CLIC4: variants seen among roughly 807,000 people sequenced by gnomAD.
CLIC4 encodes chloride intracellular channel protein 4.
A neutral mutation model predicts 24.6 loss-of-function variants in CLIC4; 13 were observed. That is an observed-to-expected ratio of 0.53 (90% CI 0.34 to 0.84). The LOEUF (loss-of-function observed/expected upper bound fraction) is 0.84, where lower values mean the gene tolerates loss of function less well. Ranked by LOEUF, CLIC4 falls within the 40% of genes least tolerant of loss-of-function variation. CLIC4 has a pLI of 0.01. For missense variants in CLIC4, 227 were observed against 301.7 expected, an observed-to-expected ratio of 0.75 and a Z score of 1.83; for synonymous variants, 104 against 111.3, an observed-to-expected ratio of 0.93 and a Z score of 0.41.
Position 24,841,649 on chromosome 1 carries a change from T to G in CLIC4, c.*712T>G, listed in dbSNP as rs1639944800. The G allele has an allele frequency of 6.6e-6, 1 of 152,286 alleles. No individual in the cohort carries two copies. The highest frequency in any genetic ancestry group is 2.4e-5 in the African/African-American group (1 of 41,446). 9.4% of individuals were successfully genotyped at this position (152,286 alleles called of 1,614,324 possible). A position where few individuals can be genotyped will look rare whatever the true frequency, so the allele number is the denominator to read the frequency against. The stretch of plus-strand genomic sequence containing the variant: ...GGGAGTGAGGGTTTTCTCAAGACCT[T>G]CCTCAAGCATTTTATCTTTAGAAGA... On this transcript the variant is annotated 3_prime_UTR_variant, in exon 6 of 6. Coordinates refer to ENST00000374379, the MANE Select transcript of CLIC4 (RefSeq NM_013943.3).
chr1:24,799,715 C>T (rs1224669697), intron 2 of CLIC4, among the ~76,000 whole-genome samples: 3 of 136,924 alleles, frequency 2.2e-5, no homozygotes, highest in African/African-American at 5.5e-5. Context: ...GTCAGCCCCC[C>T]GCCCGGCCAG....
Position 24,840,004 on chromosome 1 carries a change from C to T in CLIC4, c.560C>T (p.Ala187Val), listed in dbSNP as rs1298433513. 1.2e-6 allele frequency: 2 copies of T among 1,614,142 alleles called. No individual in the cohort carries two copies. The highest frequency in any genetic ancestry group is 2.2e-5 in the South Asian group (2 of 91,080). ...CTGGATGGCAATGAAATGACATTAGCTGATTGCAACCTGCTGCCCAAACTG... is the reference window on the plus strand; with the variant it reads ...CTGGATGGCAATGAAATGACATTAGTTGATTGCAACCTGCTGCCCAAACTG... ...KFLDGNEMTL[A>V]DCNLLPKLHI... The change falls in exon 5 of 6, where the codon GCT becomes GTT. Residue 187 changes from alanine (A) to valine (V), a missense_variant. Transcript: ENST00000374379.
chr1:24,799,648 G>T (rs1427405901), intron 2 of CLIC4, among the ~76,000 whole-genome samples: 5 of 129,966 alleles, frequency 3.8e-5, no homozygotes, highest in African/African-American at 1.6e-4. Context: ...GGAGGGAGGT[G>T]GGGGGGGTCA....
chr1:24,781,134 A>ATTT (rs35627731), intron 1 of CLIC4, among the ~76,000 whole-genome samples: 1 of 97,344 alleles, frequency 1.0e-5, no homozygotes, highest in South Asian at 3.2e-4. Flanking sequence ...AGGTAACTGA[A>ATTT]TTTTTTTTTT....
intron 2 of CLIC4, among the ~76,000 whole-genome samples, chr1:24,813,485 C>T (rs911923552): frequency 6.6e-6 from 1 of 151,932 alleles, no homozygotes; most frequent in Non-Finnish European, 1.5e-5. Flanking sequence ...GTGGTACATT[C>T]TCAGCTCACT....
At chr1:24,805,635 A>G (rs909258470) in intron 2 of CLIC4, among the ~76,000 whole-genome samples, 44 of 152,120 alleles carry the variant, frequency 2.9e-4, no homozygotes, top group African/African-American at 1.0e-3. Flanking sequence ...TAAGGCCTAC[A>G]TACCTAGTAC....
intron 3 of CLIC4, among the ~76,000 whole-genome samples, chr1:24,824,645 A>G (rs908999123): frequency 2.6e-5 from 4 of 152,026 alleles, no homozygotes; most frequent in African/African-American, 9.7e-5. Flanking sequence ...ATTTCCTTTT[A>G]GGTAAAATGA....
chr1:24,748,450 C>T (rs1638732751), intron 1 of CLIC4, among the ~76,000 whole-genome samples: 1 of 146,890 alleles, frequency 6.8e-6, no homozygotes, highest in Non-Finnish European at 1.5e-5. Flanking sequence ...TTCTGCTACC[C>T]AGTGATTCAA....
intron 2 of CLIC4, among the ~76,000 whole-genome samples, chr1:24,808,189 G>A (rs1020698718): frequency 4.6e-5 from 7 of 152,114 alleles, no homozygotes; most frequent in East Asian, 1.9e-4. Context: ...CAGCTGATCC[G>A]CCCGCCTTGG....
intron 1 of CLIC4, among the ~76,000 whole-genome samples, chr1:24,750,458 C>T (rs1297128454): frequency 5.1e-5 from 7 of 137,710 alleles, no homozygotes; most frequent in Non-Finnish European, 9.2e-5. Flanking sequence ...TTTTTTAAGA[C>T]GGAGTTTCGC....
At chr1:24,789,094 CCT>C (rs1322192426) in intron 1 of CLIC4, among the ~76,000 whole-genome samples, 3 of 152,150 alleles carry the variant, frequency 2.0e-5, no homozygotes, top group Non-Finnish European at 4.4e-5. Flanking sequence ...CCTCAGTATT[CCT>C]CTCTCTTGTA....
intron 1 of CLIC4, among the ~76,000 whole-genome samples, chr1:24,779,170 T>C (rs534988715): frequency 1.3e-4 from 20 of 152,236 alleles, no homozygotes; most frequent in African/African-American, 4.6e-4. Flanking sequence ...GACACAAGTA[T>C]ATAAAATTAA....
At chr1:24,783,166 T>C (rs546069156) in intron 1 of CLIC4, among the ~76,000 whole-genome samples, 2 of 152,302 alleles carry the variant, frequency 1.3e-5, no homozygotes, top group South Asian at 2.1e-4. Flanking sequence ...GGATATATCT[T>C]GTGTATGTAA....
At chr1:24,792,747 A>C (rs1279176692) in intron 1 of CLIC4, among the ~76,000 whole-genome samples, 1 of 152,216 alleles carries the variant, frequency 6.6e-6, no homozygotes, top group Non-Finnish European at 1.5e-5. Flanking sequence ...CGAGCTTCTG[A>C]TATACCTGAA....
At chr1:24,787,802 C>A (rs1261701430) in intron 1 of CLIC4, among the ~76,000 whole-genome samples, 1 of 150,150 alleles carries the variant, frequency 6.7e-6, no homozygotes, top group African/African-American at 2.5e-5. Context: ...TCTTCGGCCT[C>A]CCAAAGTGCG....
chr1:24,781,325 G>A lies in CLIC4; in HGVS notation c.73-16417G>A, dbSNP rs185406263. Among the ~76,000 whole-genome samples the A allele has an allele frequency of 6.3e-3, 878 of 138,500 alleles. 10 individuals are homozygous for A. Among genetic ancestry groups the A allele is most frequent in the African/African-American group, 0.021 (810 of 38,474 alleles). 90.9% of individuals were successfully genotyped at this position (138,500 alleles called of 152,430 possible). A position where few individuals can be genotyped will look rare whatever the true frequency, so the allele number is the denominator to read the frequency against. On this transcript the variant is annotated intron_variant, in intron 1 of 5. Coordinates refer to ENST00000374379, the MANE Select transcript of CLIC4 (RefSeq NM_013943.3). Reference sequence around the variant, plus strand: ...AATTTTTGTATTTTTTTTTTTTTTAGTAGAGATGGGGTTTCACCATATTGC... The same window carrying A: ...AATTTTTGTATTTTTTTTTTTTTTAATAGAGATGGGGTTTCACCATATTGC...
intron 2 of CLIC4, among the ~76,000 whole-genome samples, chr1:24,809,001 C>T (rs917762067): frequency 4.6e-5 from 7 of 152,016 alleles, no homozygotes; most frequent in African/African-American, 1.7e-4. Flanking sequence ...TTTTGATCCT[C>T]AGTTGGTTGA....
chr1:24,747,209 A>T (rs1638711279), intron 1 of CLIC4, among the ~76,000 whole-genome samples: 1 of 149,966 alleles, frequency 6.7e-6, no homozygotes, highest in African/African-American at 2.5e-5. Context: ...GTACTTTGAG[A>T]TGCGTAGAAT....
chr1:24,765,001 T>G, intron 1 of CLIC4, among the ~76,000 whole-genome samples: 1 of 152,202 alleles, frequency 6.6e-6, no homozygotes, highest in Non-Finnish European at 1.5e-5. Flanking sequence ...GAATGAGCTA[T>G]AAGGAAGGCG....
Sources: gnomAD v4.1 joint callset for allele counts (sites outside exome capture counted in the v4.1 genomes callset) on GRCh38, gnomAD v4.1.1 for gene constraint, MANE v1.5 for transcripts, NCBI Gene and HGNC (gene_info 2026-07-23, HGNC 2026-07-21) for gene names.